Variants in PDGFRB observed in about 807,000 individuals in gnomAD.
PDGFRB encodes the protein platelet derived growth factor receptor beta.
A neutral mutation model predicts 120.2 loss-of-function variants in PDGFRB; 42 were observed. That is an observed-to-expected ratio of 0.35 (90% CI 0.27 to 0.45). The LOEUF (loss-of-function observed/expected upper bound fraction) is 0.45. Ranked by LOEUF, PDGFRB falls within the 20% of genes least tolerant of loss-of-function variation. PDGFRB has a pLI of 1.00. For missense variants in PDGFRB, 1,149 were observed against 1,476.3 expected (o/e 0.78, Z 3.63); for synonymous variants, 586 against 606.8 (o/e 0.97, Z 0.50).
At position 150,129,808 on chromosome 5, in the gene PDGFRB, G is replaced by A; in HGVS notation, c.1528C>T (p.Leu510=). 6.2e-7 allele frequency: 1 copy of A among 1,614,018 alleles called. No individual in the cohort carries two copies. The highest frequency in any genetic ancestry group is 8.5e-7 in the Non-Finnish European group (1 of 1,180,014). ...VDRPLSVRCT[L]RNAVGQDTQE... The stretch of plus-strand genomic sequence containing the variant: ...GTGTCCTGGCCCACAGCGTTGCGCA[G>A]CGTGCAGCGCACCGACAGTGGCCGA... The change falls in exon 10 of 23, where the codon CTG becomes TTG. Residue 510 remains leucine (L), a synonymous_variant. Coordinates refer to ENST00000261799, the MANE Select transcript of PDGFRB (RefSeq NM_002609.4).
rs902095876 is a variant in PDGFRB at position 150,120,520 on chromosome 5, G to A, written c.2586+368C>T. Among the ~76,000 whole-genome samples the A allele has an allele frequency of 7.9e-5, 12 of 152,174 alleles. No homozygotes were observed. In the East Asian group the frequency reaches 2.1e-3, roughly 27 times the overall value. Reference sequence around the variant, plus strand: ...GATGAGAGACAGGCAGGATGATCACGTTTTAACCAGACCAATCCCTGCTAC... The same window carrying A: ...GATGAGAGACAGGCAGGATGATCACATTTTAACCAGACCAATCCCTGCTAC... On this transcript the variant is annotated intron_variant, in intron 18 of 22. Coordinates refer to ENST00000261799, the MANE Select transcript of PDGFRB (RefSeq NM_002609.4). This position sits in a 1 kb window ranked among gnomAD's most constrained non-coding sequence, Gnocchi z 4.3.
rs547496944 is a variant in PDGFRB, at chr5:150,151,080, T to C, written c.-7+4317A>G. 7.2e-5 allele frequency among the ~76,000 whole-genome samples: 11 copies of C among 152,318 alleles called. No individual in the cohort carries two copies. The East Asian group carries it at 1.9e-3, about 27-fold the overall frequency. Reference sequence around the variant, plus strand: ...TGTTATTGCAGGTTAAAGTTTTCCATTAGTGGTCATCGATCCTGACCTCTT... The same window carrying C: ...TGTTATTGCAGGTTAAAGTTTTCCACTAGTGGTCATCGATCCTGACCTCTT... On this transcript the variant is annotated intron_variant, in intron 1 of 22. Transcript: ENST00000261799.
rs561758270 is a variant in PDGFRB, at chr5:150,132,743, T to C, written c.1127+7A>G. 3.1e-5 allele frequency: 50 copies of C among 1,608,448 alleles called. No homozygotes were observed. The East Asian group carries it at 1.1e-3, about 35-fold the overall frequency. On this transcript the variant is annotated splice_region_variant and intron_variant, in intron 7 of 22. Transcript: ENST00000261799. This position sits in a 1 kb window ranked among gnomAD's most constrained non-coding sequence, Gnocchi z 5.0. ...TCAAGAATGGGATGGGAGAGCGAGC[T>C]GCTCACCGGGTCTCCGACACGTTGC...
At chr5:150,142,632 C>T (rs1300823969) in intron 1 of PDGFRB, among the ~76,000 whole-genome samples, 1 of 150,100 alleles carries the variant, frequency 6.7e-6, no homozygotes, top group Non-Finnish European at 1.5e-5. Flanking sequence ...ATAGTGGTCC[C>T]CCCTATCTGC....
At chr5:150,129,060 C>G (rs1760375361) in intron 10 of PDGFRB, among the ~76,000 whole-genome samples, 1 of 152,198 alleles carries the variant, frequency 6.6e-6, no homozygotes, top group African/African-American at 2.4e-5. Flanking sequence ...TACCTGCTAA[C>G]AGATGTACAT....
rs992617941 is a variant in PDGFRB, at chr5:150,130,120, G to A, written c.1368-152C>T. The A allele has an allele frequency of 6.0e-6, 4 of 661,548 alleles. No individual in the cohort carries two copies. The African/African-American group carries it at 7.2e-5, about 12-fold the overall frequency. The allele number at this position is 661,548 out of a possible 1,614,324, so 41.0% of individuals were successfully genotyped here. A position where few individuals can be genotyped will look rare whatever the true frequency, so the allele number is the denominator to read the frequency against. On this transcript the variant is annotated intron_variant, in intron 9 of 22. Coordinates refer to ENST00000261799, the MANE Select transcript of PDGFRB (RefSeq NM_002609.4). ...GGCTCCTCCTGTGCTCCCTCTACTG[G>A]TCAGCAGGGGGTGCTCCCATCCCAG...
chr5:150,145,169 A>G (rs1760887217), intron 1 of PDGFRB, among the ~76,000 whole-genome samples: 1 of 152,240 alleles, frequency 6.6e-6, no homozygotes, highest in Non-Finnish European at 1.5e-5. Context: ...AGACTTTTTC[A>G]GTGATCTACT....
chr5:150,132,695 G>C lies in PDGFRB; in HGVS notation c.1127+55C>G. On this transcript the variant is annotated intron_variant, in intron 7 of 22. Transcript: ENST00000261799. This position sits in a 1 kb window ranked among gnomAD's most constrained non-coding sequence, Gnocchi z 5.0. ...TGTGGCTGAAAGCCGAGGGCTGCCTGGCGGCTGCAAAGAAAAATAACTTCA... is the reference window on the plus strand; with the variant it reads ...TGTGGCTGAAAGCCGAGGGCTGCCTCGCGGCTGCAAAGAAAAATAACTTCA... 1 of 1,523,820 alleles carries C rather than the reference G, an allele frequency of 6.6e-7. No homozygotes were observed. Among genetic ancestry groups the C allele is most frequent in the Non-Finnish European group, 8.9e-7 (1 of 1,121,934 alleles). The allele number at this position is 1,523,820 out of a possible 1,614,324, so 94.4% of individuals were successfully genotyped here.
chr5:150,137,301 G>A (rs1195026138), intron 1 of PDGFRB: 7 of 471,590 alleles, frequency 1.5e-5, no homozygotes, highest in South Asian at 8.6e-5. Flanking sequence ...TGACTCTCAC[G>A]TGGCCTCGGC....
chr5:150,135,543 G>A lies in PDGFRB; in HGVS notation c.364+12C>T, dbSNP rs759476840. 7.0e-6 allele frequency: 11 copies of A among 1,564,146 alleles called. No homozygotes were observed. Among genetic ancestry groups the A allele is most frequent in the Non-Finnish European group, 7.9e-6 (9 of 1,143,370 alleles). ...GGGGTAAGGAGTGGGCACACAGGCT[G>A]GGAGCCCTTACCTGGCACAAAGATG... On this transcript the variant is annotated intron_variant, in intron 3 of 22. Coordinates refer to ENST00000261799, the MANE Select transcript of PDGFRB (RefSeq NM_002609.4).
chr5:150,142,763 G>A (rs1048728654), intron 1 of PDGFRB, among the ~76,000 whole-genome samples: 13 of 152,204 alleles, frequency 8.5e-5, no homozygotes, highest in African/African-American at 2.9e-4. Flanking sequence ...TTATAAATAA[G>A]GCACAGTAAG....
rs562250122 is a variant in PDGFRB, at chr5:150,115,895, G to A, written c.3189C>T (p.Pro1063=). 6.2e-7 allele frequency: 1 copy of A among 1,605,860 alleles called. No individual in the cohort carries two copies. The highest frequency in any genetic ancestry group is 1.3e-5 in the African/African-American group (1 of 74,868). ...GCTCTGGTTCGTCCTGGGGCTCCAG[G>A]GGGCTGTCACAGGAGATGGTTGAGG... ...NTSSTISCDS[P]LEPQDEPEPE... The change falls in exon 23 of 23, where the codon CCC becomes CCT. Residue 1063 remains proline (P), a synonymous_variant. Coordinates refer to ENST00000261799, the MANE Select transcript of PDGFRB (RefSeq NM_002609.4).
intron 1 of PDGFRB, 137 bp from the exon 2 acceptor site, chr5:150,137,190 C>T: frequency 1.6e-6 from 1 of 640,846 alleles, no homozygotes; most frequent in Non-Finnish European, 2.7e-6. Context: ...AGTCAAAAGC[C>T]ACCACGTCCC....
intron 14 of PDGFRB, among the ~76,000 whole-genome samples, chr5:150,123,512 A>T (rs937002876): frequency 6.6e-6 from 1 of 152,182 alleles, no homozygotes; most frequent in African/African-American, 2.4e-5. Flanking sequence ...GTTGGCTCTT[A>T]TTGATATGTT....
chr5:150,149,269 A>C (rs1761007402), intron 1 of PDGFRB, among the ~76,000 whole-genome samples: 2 of 152,202 alleles, frequency 1.3e-5, no homozygotes, highest in Non-Finnish European at 2.9e-5. Flanking sequence ...AAGCCGTCCC[A>C]AACTCAGCCT....
chr5:150,133,042 C>T lies in PDGFRB; in HGVS notation c.935-100G>A, dbSNP rs117869739. The T allele has an allele frequency of 1.3e-3, 1,102 of 821,124 alleles. 2 individuals are homozygous for T. The highest frequency in any genetic ancestry group is 1.9e-3 in the Non-Finnish European group (980 of 524,942). 50.9% of individuals were successfully genotyped at this position (821,124 alleles called of 1,614,324 possible). Reference sequence around the variant, plus strand: ...GGGGTGGGGCTTCAGGCCTGGGGACCGTGCCAGCCATGGAGTTTCCGGAGC... The same window carrying T: ...GGGGTGGGGCTTCAGGCCTGGGGACTGTGCCAGCCATGGAGTTTCCGGAGC... On this transcript the variant is annotated intron_variant, in intron 6 of 22. Coordinates refer to ENST00000261799, the MANE Select transcript of PDGFRB (RefSeq NM_002609.4).
intron 1 of PDGFRB, among the ~76,000 whole-genome samples, chr5:150,144,332 C>T (rs112033423): frequency 0.052 from 7,991 of 152,248 alleles, 255 homozygotes; most frequent in South Asian, 0.071. Context: ...CAGAATCTTC[C>T]GGCCCGGCCC....
intron 1 of PDGFRB, among the ~76,000 whole-genome samples, chr5:150,145,008 T>C (rs927646583): frequency 1.3e-5 from 2 of 152,212 alleles, no homozygotes; most frequent in Admixed American, 1.3e-4. Flanking sequence ...GCAGGTCCAC[T>C]AACACGTGAA....
intron 14 of PDGFRB, 55 bp downstream of exon 14, chr5:150,124,195 C>A: frequency 8.0e-7 from 1 of 1,244,028 alleles, no homozygotes; most frequent in Non-Finnish European, 1.2e-6. Flanking sequence ...TAGGCGGGGC[C>A]TGGCCTTGGT....
Sources: gnomAD v4.1 joint callset for allele counts (sites outside exome capture counted in the v4.1 genomes callset) on GRCh38, gnomAD v4.1.1 for gene constraint, Gnocchi (gnomAD v3.1) non-coding constraint, MANE v1.5 for transcripts, NCBI Gene and HGNC (gene_info 2026-07-23, HGNC 2026-07-21) for gene names.